The following PRORP variants were observed in gnomAD, a reference collection of about 807,000 sequenced individuals.
PRORP encodes protein only RNase P catalytic subunit, also known as mitochondrial ribonuclease P catalytic subunit.
Under a neutral mutation model 59.4 loss-of-function variants are expected in PRORP, and 51 were observed. That is an observed-to-expected ratio of 0.86 (90% confidence interval 0.69 to 1.08). The LOEUF (loss-of-function observed/expected upper bound fraction) is 1.08, where lower values mean the gene tolerates loss of function less well. Among genes scored for constraint, PRORP ranks in the 50% least tolerant of loss-of-function variants. The pLI is 0.00. For missense variants in PRORP, 646 were observed against 690.3 expected, an observed-to-expected ratio of 0.94 and a Z score of 0.72; for synonymous variants, 231 against 245.6, an observed-to-expected ratio of 0.94 and a Z score of 0.55.
chr14:35,132,784 C>CAA (rs142694889), intron 4 of PRORP, among the ~76,000 whole-genome samples: 10 of 72,630 alleles, frequency 1.4e-4, no homozygotes, highest in South Asian at 4.4e-4. Context: ...GAGACTCCAT[C>CAA]AAAAAAAAAA....
intron 5 of PRORP, among the ~76,000 whole-genome samples, chr14:35,264,922 G>A (rs1025757577): frequency 6.6e-6 from 1 of 152,210 alleles, no homozygotes; most frequent in Non-Finnish European, 1.5e-5. Context: ...CCAGGAGGTG[G>A]AGGTTGCAGT....
intron 6 of PRORP, among the ~76,000 whole-genome samples, chr14:35,267,504 C>T (rs1050344727): frequency 1.2e-4 from 18 of 152,098 alleles, no homozygotes; most frequent in African/African-American, 3.6e-4. Context: ...TAAAAAGCCC[C>T]GATGCAGGCC....
At chr14:35,239,007 A>T (rs929433544) in intron 5 of PRORP, among the ~76,000 whole-genome samples, 7 of 152,162 alleles carry the variant, frequency 4.6e-5, no homozygotes, top group African/African-American at 1.2e-4. Context: ...TACTTTACAT[A>T]TAAGGAAACT....
Position 35,128,280 on chromosome 14 carries a change from T to G in PRORP, c.1167+669T>G, listed in dbSNP as rs546712199. 1.7e-4 allele frequency among the ~76,000 whole-genome samples: 25 copies of G among 150,310 alleles called. No individual in the cohort carries two copies. The South Asian group carries it at 1.9e-3, about 11-fold the overall frequency. ...GAGATATTGGCCTGTAGTTTTTTGT[T>G]TTTTTTTTGTTGTTTTTTGGGTTTT... is the stretch of plus-strand genomic sequence containing the variant. On this transcript the variant is annotated intron_variant, in intron 4 of 7. Transcript: ENST00000534898.
chr14:35,126,717 T>G lies in PRORP; in HGVS notation c.987-18T>G. The G allele has an allele frequency of 3.1e-6, 5 of 1,598,062 alleles. No homozygotes were observed. Among genetic ancestry groups the G allele is most frequent in the African/African-American group, 1.3e-5 (1 of 74,584 alleles). On this transcript the variant is annotated intron_variant, in intron 2 of 7. Transcript: ENST00000534898. ...GAATCTAACCTTCTCATGATTTGGT[T>G]TTGCAATCTTTTCATAGTGTTCCTG...
Position 35,266,854 on chromosome 14 carries a change from G to T in PRORP, c.1403G>T (p.Ser468Ile). 6.2e-7 allele frequency: 1 copy of T among 1,614,192 alleles called. No individual in the cohort carries two copies. The highest frequency in any genetic ancestry group is 1.1e-5 in the South Asian group (1 of 91,088). The change falls in exon 6 of 8, where the codon AGC (serine) becomes ATC (isoleucine). Residue 468 changes from serine to isoleucine, a missense_variant. Ser to Ile is a moderately radical substitution (Grantham distance 142, BLOSUM62 -2). Transcript: ENST00000534898. ...ATGGAAGAGGTGCAAAAGCAAGCCA[G>T]CTGTTTTTTTGCTGATGACATGTAA... is the stretch of plus-strand genomic sequence containing the variant. ...DEMEEVQKQA[S>I]CFFADDISED...
At chr14:35,251,025 C>G (rs2050599146) in intron 5 of PRORP, among the ~76,000 whole-genome samples, 1 of 152,190 alleles carries the variant, frequency 6.6e-6, no homozygotes, top group African/African-American at 2.4e-5. Flanking sequence ...CCCCTTCCCA[C>G]TCTTTTCCCC....
At chr14:35,185,910 G>T (rs2048727956) in intron 5 of PRORP, among the ~76,000 whole-genome samples, 2 of 152,110 alleles carry the variant, frequency 1.3e-5, no homozygotes, top group African/African-American at 2.4e-5. Flanking sequence ...ATGGATTAAT[G>T]TACAATTTTG....
chr14:35,227,443 C>CA (rs540951640), intron 5 of PRORP, among the ~76,000 whole-genome samples: 2,391 of 137,958 alleles, frequency 0.017, 37 homozygotes, highest in South Asian at 0.061. Flanking sequence ...GACTCTGTCT[C>CA]AAAAAAAAAA....
intron 5 of PRORP, among the ~76,000 whole-genome samples, chr14:35,232,617 C>T (rs1407091784): frequency 6.6e-6 from 1 of 152,108 alleles, no homozygotes; most frequent in Non-Finnish European, 1.5e-5. Context: ...CATAGTAAGT[C>T]CTTGCCAGAG....
chr14:35,257,581 C>T (rs1324248769), intron 5 of PRORP, among the ~76,000 whole-genome samples: 2 of 152,132 alleles, frequency 1.3e-5, no homozygotes, highest in Non-Finnish European at 2.9e-5. Context: ...CACATTTTAT[C>T]GATCTATTCA....
intron 4 of PRORP, among the ~76,000 whole-genome samples, chr14:35,179,741 CAA>C (rs1321969363): frequency 6.6e-6 from 1 of 152,194 alleles, no homozygotes; most frequent in Non-Finnish European, 1.5e-5. Flanking sequence ...CTCAACTCAT[CAA>C]AGTCATCGCA....
In PRORP at chr14:35,139,497, T is replaced by C. The variant is rs1409723699; in HGVS notation, c.1167+11886T>C. ...ATGGAATCATACAATATATACTTTT[T>C]TTTTTGGTCTGATTTGTTTTATTCA... is the stretch of plus-strand genomic sequence containing the variant. On this transcript the variant is annotated intron_variant, in intron 4 of 7. Transcript: ENST00000534898. Among the ~76,000 whole-genome samples, 3 of 145,538 alleles carry C rather than the reference T, an allele frequency of 2.1e-5. 1 individual carries two copies. Among genetic ancestry groups the C allele is most frequent in the Non-Finnish European group, 4.6e-5 (3 of 65,536 alleles).
At chr14:35,139,388 T>A (rs2047435799) in intron 4 of PRORP, among the ~76,000 whole-genome samples, 1 of 142,288 alleles carries the variant, frequency 7.0e-6, no homozygotes, top group African/African-American at 2.5e-5. Flanking sequence ...GCAATCAAGA[T>A]AATGAACATA....
chr14:35,253,366 AAAG>A lies in PRORP; in HGVS notation c.1276-13358_1276-13356del, dbSNP rs1172299136. On this transcript the variant is annotated intron_variant, in intron 5 of 7. Transcript: ENST00000534898. ...AAAAGAGAGAGAGAGAGAAAGAAAG[AAAG>A]AAAGAAAAGAAAGAAAGAAAAAGAA... Among the ~76,000 whole-genome samples, 11 of 150,186 alleles carry A rather than the reference AAAG, an allele frequency of 7.3e-5. No homozygotes were observed. In the South Asian group the frequency reaches 8.3e-4, roughly 11 times the overall value.
chr14:35,132,273 C>G, intron 4 of PRORP, among the ~76,000 whole-genome samples: 1 of 144,886 alleles, frequency 6.9e-6, no homozygotes, highest in East Asian at 2.4e-4. Context: ...GCCTGGCCAA[C>G]GTGGTGAAAC....
chr14:35,151,555 C>A (rs1252601673), intron 4 of PRORP, among the ~76,000 whole-genome samples: 1 of 151,868 alleles, frequency 6.6e-6, no homozygotes, highest in Non-Finnish European at 1.5e-5. Flanking sequence ...TTCATATCCC[C>A]ATTCTAATCT....
intron 5 of PRORP, among the ~76,000 whole-genome samples, chr14:35,212,169 T>C (rs1197547333): frequency 1.3e-5 from 2 of 152,222 alleles, no homozygotes; most frequent in Non-Finnish European, 2.9e-5. Flanking sequence ...CTTCTAATTC[T>C]AGTTCTCTTG....
At position 35,273,468 on chromosome 14, in the gene PRORP, A is replaced by G. The variant is rs575219406; in HGVS notation, c.1654A>G (p.Thr552Ala). The change falls in exon 8 of 8, where the codon ACT becomes GCT. Residue 552 changes from threonine to alanine, a missense_variant. Physicochemically the swap from Thr to Ala is moderately conservative, Grantham distance 58. Transcript: ENST00000534898. ...ILSYDTVVQT[T>A]GDSWHIPYDE... Reference sequence around the variant, plus strand: ...CAGCTATGACACAGTGGTGCAAACAACTGGAGACTCGTGGCACATACCATA... The same window carrying G: ...CAGCTATGACACAGTGGTGCAAACAGCTGGAGACTCGTGGCACATACCATA... 1 of 1,613,304 alleles carries G rather than the reference A, an allele frequency of 6.2e-7. No homozygotes were observed. Among genetic ancestry groups the G allele is most frequent in the Non-Finnish European group, 8.5e-7 (1 of 1,179,626 alleles).
Sources: gnomAD v4.1 joint callset for allele counts (sites outside exome capture counted in the v4.1 genomes callset) on GRCh38, gnomAD v4.1.1 for gene constraint, MANE v1.5 for transcripts, NCBI Gene and HGNC (gene_info 2026-07-23, HGNC 2026-07-21) for gene names.